DGKB: variants seen among roughly 807,000 people sequenced by gnomAD.
The protein encoded by DGKB is 90 kDa diacylglycerol kinase.
Under a neutral mutation model 114.3 loss-of-function variants are expected in DGKB, and 67 were observed. The observed-to-expected ratio is 0.59, with a 90% CI of 0.48 to 0.72. The LOEUF is 0.72. DGKB is among the 30% of genes least tolerant of loss of function. DGKB has a pLI of 0.00. For missense variants in DGKB, 907 were observed against 975.2 expected, an observed-to-expected ratio of 0.93 and a Z score of 0.93; for synonymous variants, 398 against 323.1, an observed-to-expected ratio of 1.23 and a Z score of -2.49.
At chr7:14,934,042 A>T (rs1017354239) in intron 1 of DGKB, among the ~76,000 whole-genome samples, 8 of 152,184 alleles carry the variant, frequency 5.3e-5, no homozygotes, top group Admixed American at 1.3e-4. Flanking sequence ...GCAAAATACT[A>T]TGGGCCTGAA....
intron 23 of DGKB, among the ~76,000 whole-genome samples, chr7:14,228,481 A>C (rs1791182654): frequency 6.6e-6 from 1 of 151,996 alleles, no homozygotes; most frequent in Admixed American, 6.6e-5. Context: ...GAGACACTAA[A>C]TTTAATATGA....
At chr7:14,647,335 A>AAACAACAAC (rs940990701) in intron 13 of DGKB, among the ~76,000 whole-genome samples, 1 of 151,890 alleles carries the variant, frequency 6.6e-6, no homozygotes, top group East Asian at 1.9e-4. Context: ...CCCAAAAAGA[A>AAACAACAAC]AACAACAACA....
intron 2 of DGKB, among the ~76,000 whole-genome samples, chr7:14,828,204 T>C (rs1845949228): frequency 6.6e-6 from 1 of 152,000 alleles, no homozygotes; most frequent in African/African-American, 2.4e-5. Flanking sequence ...ATGGAACCAA[T>C]TGAGACTCAG....
At chr7:14,578,304 G>A (rs1563569269) in intron 19 of DGKB, among the ~76,000 whole-genome samples, 1 of 152,154 alleles carries the variant, frequency 6.6e-6, no homozygotes, top group Non-Finnish European at 1.5e-5. Flanking sequence ...CTTTATAGCA[G>A]TGTGAGAACA....
chr7:14,824,552 T>C (rs1338663945), intron 2 of DGKB, among the ~76,000 whole-genome samples: 3 of 152,112 alleles, frequency 2.0e-5, no homozygotes, highest in Non-Finnish European at 4.4e-5. Flanking sequence ...AGCTACATTA[T>C]ATAATATAGT....
In DGKB at chr7:14,336,247, T is replaced by G. The variant is rs1810638616; in HGVS notation, c.2122+2268A>C. 2.6e-5 allele frequency among the ~76,000 whole-genome samples: 4 copies of G among 152,210 alleles called. No individual in the cohort carries two copies. The South Asian group carries it at 8.3e-4, about 32-fold the overall frequency. On this transcript the variant is annotated intron_variant, in intron 23 of 25. Coordinates refer to ENST00000402815, the MANE Select transcript of DGKB (RefSeq NM_001350709.2). ...TTTTGGTATTCTGTTGCAAAGTATC[T>G]CAAAGTGAAAACAATAGTGAAATCA...
At chr7:14,461,987 A>G (rs1410009205) in intron 21 of DGKB, among the ~76,000 whole-genome samples, 3 of 152,242 alleles carry the variant, frequency 2.0e-5, no homozygotes, top group Non-Finnish European at 4.4e-5. Flanking sequence ...TCACATAAAC[A>G]GAACCAAGGA....
intron 1 of DGKB, among the ~76,000 whole-genome samples, chr7:14,962,622 GTGTGTGTGTGTGTT>G (rs1033721050): frequency 4.2e-5 from 6 of 143,334 alleles, no homozygotes; most frequent in South Asian, 2.2e-4. Context: ...CTATAGCTGT[GTGTGTGTGTGTGTT>G]TGTGTGTGTG....
chr7:14,445,549 A>G (rs929687367), intron 21 of DGKB, among the ~76,000 whole-genome samples: 2 of 152,054 alleles, frequency 1.3e-5, no homozygotes, highest in African/African-American at 4.8e-5. Flanking sequence ...AACAGCAGAA[A>G]GGAGATAATG....
intron 23 of DGKB, among the ~76,000 whole-genome samples, chr7:14,244,929 T>C (rs530444661): frequency 2.6e-5 from 4 of 152,256 alleles, no homozygotes; most frequent in Admixed American, 6.5e-5. Context: ...ATACTATTTT[T>C]GTTATAACAG....
chr7:14,170,152 AG>A lies in DGKB; in HGVS notation c.2304+6686del, dbSNP rs1267536480. Among the ~76,000 whole-genome samples, 112 of 49,602 alleles carry A rather than the reference AG, an allele frequency of 2.3e-3. 6 individuals are homozygous for A. Among genetic ancestry groups the A allele is most frequent in the African/African-American group, 9.3e-3 (48 of 5,154 alleles). The allele number at this position is 49,602 out of a possible 152,430, so 32.5% of individuals were successfully genotyped here. A position where few individuals can be genotyped will look rare whatever the true frequency, so the allele number is the denominator to read the frequency against. On this transcript the variant is annotated intron_variant, in intron 25 of 25. Coordinates refer to ENST00000402815, the MANE Select transcript of DGKB (RefSeq NM_001350709.2). ...TCCATCTCAAAAAAAAAAAAAAGAA[AG>A]AAAGAAAGAAAGAAAGAAAGAAAGA...
chr7:14,683,336 A>G (rs1436852418), intron 10 of DGKB, among the ~76,000 whole-genome samples: 1 of 152,194 alleles, frequency 6.6e-6, no homozygotes, highest in Non-Finnish European at 1.5e-5. Flanking sequence ...ATTTCATCAT[A>G]CATGCCAGGC....
chr7:14,871,933 T>G (rs1201322878), intron 1 of DGKB, among the ~76,000 whole-genome samples: 1 of 152,214 alleles, frequency 6.6e-6, no homozygotes, highest in Non-Finnish European at 1.5e-5. Context: ...ACAAGTATTC[T>G]CTGAAGTTTT....
At chr7:14,801,601 G>T (rs774115130) in intron 2 of DGKB, among the ~76,000 whole-genome samples, 43 of 151,958 alleles carry the variant, frequency 2.8e-4, no homozygotes, top group Non-Finnish European at 4.0e-4. Context: ...TTTTCTGCCT[G>T]CCTGATTGAG....
At chr7:14,621,110 G>A (rs916839589) in intron 15 of DGKB, 98 of 326,752 alleles carry the variant, frequency 3.0e-4, no homozygotes, top group African/African-American at 2.0e-3. Flanking sequence ...TGTATATTTA[G>A]CAATAATTTT....
chr7:14,386,058 G>T (rs1199736627), intron 21 of DGKB, among the ~76,000 whole-genome samples: 1 of 152,216 alleles, frequency 6.6e-6, no homozygotes, highest in Non-Finnish European at 1.5e-5. Context: ...AGAAGTAATG[G>T]TTGTGGGACT....
At chr7:14,751,064 T>G (rs377006939) in intron 4 of DGKB, among the ~76,000 whole-genome samples, 199 of 152,092 alleles carry the variant, frequency 1.3e-3, no homozygotes, top group African/African-American at 4.5e-3. Flanking sequence ...TGGCCCACGT[T>G]GGCCTCCCAA....
chr7:14,417,926 A>C (rs1270785677), intron 21 of DGKB, among the ~76,000 whole-genome samples: 1 of 151,402 alleles, frequency 6.6e-6, no homozygotes, highest in Non-Finnish European at 1.5e-5. Flanking sequence ...TCTAGAATTC[A>C]TTATACACTA....
At chr7:14,794,916 A>G (rs1318231378) in intron 2 of DGKB, among the ~76,000 whole-genome samples, 2 of 152,140 alleles carry the variant, frequency 1.3e-5, no homozygotes, top group Non-Finnish European at 2.9e-5. Context: ...CCATAGTGGT[A>G]CTGGCATCTC....
Sources: gnomAD v4.1 joint callset for allele counts (sites outside exome capture counted in the v4.1 genomes callset) on GRCh38, gnomAD v4.1.1 for gene constraint, MANE v1.5 for transcripts, NCBI Gene and HGNC (gene_info 2026-07-23, HGNC 2026-07-21) for gene names.